Variants in ANK1 observed in about 807,000 individuals in gnomAD.
The protein encoded by ANK1 is ankyrin-1.
ANK1 carries 51 observed loss-of-function variants against 210.4 expected under a neutral mutation model. The ratio of observed to expected loss-of-function variants is 0.24; its 90% CI spans 0.19 to 0.31. The LOEUF (loss-of-function observed/expected upper bound fraction) is 0.31, where lower values mean the gene tolerates loss of function less well. ANK1 is among the 10% of genes least tolerant of loss of function. ANK1 has a pLI of 1.00. For missense variants in ANK1, 2,051 were observed against 2,504.4 expected (o/e 0.82, Z 3.86); for synonymous variants, 967 against 1,025.9 (o/e 0.94, Z 1.10).
intron 1 of ANK1, among the ~76,000 whole-genome samples, chr8:41,766,890 C>T (rs1215657636): frequency 1.3e-5 from 2 of 152,190 alleles, no homozygotes; most frequent in Non-Finnish European, 2.9e-5. Context: ...AGGGGCCAGA[C>T]GTGCCGCAAG....
chr8:41,892,108 A>C (rs1386034535), intron 1 of ANK1, among the ~76,000 whole-genome samples: 1 of 152,132 alleles, frequency 6.6e-6, no homozygotes, highest in Non-Finnish European at 1.5e-5. Flanking sequence ...TTGCAAATGA[A>C]AGTCATGGGC....
intron 3 of ANK1, among the ~76,000 whole-genome samples, chr8:41,730,615 G>A (rs1831955041): frequency 6.6e-6 from 1 of 152,224 alleles, no homozygotes; most frequent in African/African-American, 2.4e-5. Flanking sequence ...GAGAATAAAT[G>A]CCAGATATGA....
At chr8:41,818,183 A>C (rs1302011356) in intron 1 of ANK1, among the ~76,000 whole-genome samples, 1 of 152,236 alleles carries the variant, frequency 6.6e-6, no homozygotes, top group African/African-American at 2.4e-5. Flanking sequence ...ACCAAGACTC[A>C]ATTCAAACCC....
chr8:41,655,457 G>A lies in ANK1; in HGVS notation c.*333C>T, dbSNP rs570356781. On this transcript the variant is annotated 3_prime_UTR_variant, in exon 43 of 43. Coordinates refer to ENST00000289734, the MANE Select transcript of ANK1 (RefSeq NM_000037.4). Reference sequence around the variant, plus strand: ...ACAAAAAGCCCTCATTCACTTTTGCGTTCGCAGGCTCTCCTGCGCTTGTTT... The same window carrying A: ...ACAAAAAGCCCTCATTCACTTTTGCATTCGCAGGCTCTCCTGCGCTTGTTT... The A allele has an allele frequency of 8.6e-4, 360 of 417,902 alleles. No individual in the cohort carries two copies. Among genetic ancestry groups the A allele is most frequent in the Non-Finnish European group, 6.1e-4 (143 of 234,054 alleles). 25.9% of individuals were successfully genotyped at this position (417,902 alleles called of 1,614,324 possible).
At chr8:41,685,885 G>A (rs1157427166) in intron 36 of ANK1, among the ~76,000 whole-genome samples, 1 of 152,218 alleles carries the variant, frequency 6.6e-6, no homozygotes, top group African/African-American at 2.4e-5. Context: ...AAAGTGTGGG[G>A]ACTACAGGCA....
chr8:41,862,125 C>T (rs1177847870), intron 1 of ANK1, among the ~76,000 whole-genome samples: 1 of 152,198 alleles, frequency 6.6e-6, no homozygotes, highest in East Asian at 1.9e-4. Context: ...CCTCTGGCCT[C>T]CCAAGGACCT....
At chr8:41,730,676 T>C (rs952855392) in intron 3 of ANK1, among the ~76,000 whole-genome samples, 4 of 152,220 alleles carry the variant, frequency 2.6e-5, no homozygotes, top group African/African-American at 7.2e-5. Flanking sequence ...AGAGCCTCCA[T>C]TGAGAGGCTT....
chr8:41,675,403 C>T (rs1368410650), intron 37 of ANK1, among the ~76,000 whole-genome samples: 1 of 152,160 alleles, frequency 6.6e-6, no homozygotes, highest in Non-Finnish European at 1.5e-5. Context: ...GGCCACTGAG[C>T]GTATTTTTAG....
chr8:41,889,907 A>C (rs1274691353), intron 1 of ANK1, among the ~76,000 whole-genome samples: 2 of 152,256 alleles, frequency 1.3e-5, no homozygotes, highest in Non-Finnish European at 2.9e-5. Flanking sequence ...GCAGGTCTGC[A>C]ATAAAAATCC....
chr8:41,734,138 G>T, intron 2 of ANK1, 69 bp from the exon 3 acceptor site: 4 of 1,346,634 alleles, frequency 3.0e-6, no homozygotes, highest in Non-Finnish European at 4.2e-6. Flanking sequence ...CCCAGTGGGG[G>T]CCCAGGCCCC....
intron 40 of ANK1, among the ~76,000 whole-genome samples, chr8:41,662,149 C>T (rs1808541978): frequency 1.3e-5 from 2 of 152,034 alleles, no homozygotes; most frequent in Admixed American, 6.6e-5. Flanking sequence ...CCCAGCTACT[C>T]AGGAGGCTGT....
intron 2 of ANK1, among the ~76,000 whole-genome samples, chr8:41,739,522 T>TTTTTTTTCTTCTTTC (rs1834202504): frequency 5.6e-5 from 2 of 35,434 alleles, no homozygotes; most frequent in Non-Finnish European, 8.9e-5. Flanking sequence ...TTTTTCTTTC[T>TTTTTTTTCTTCTTTC]TTTTTTTTTT....
intron 1 of ANK1, among the ~76,000 whole-genome samples, chr8:41,887,027 G>A (rs978330544): frequency 3.3e-5 from 5 of 152,026 alleles, no homozygotes; most frequent in Non-Finnish European, 2.9e-5. Context: ...AGTACATTCC[G>A]TTACCTACTT....
chr8:41,694,093 C>G lies in ANK1; in HGVS notation c.3337G>C (p.Val1113Leu). ...AGCTTAGTGACAAGCTCATCCGGGA[C>G]AGGCTGGGCCTGTGAAATGACAGAG... ...RVKLALQAQP[V>L]PDELVTKLLG... The change falls in exon 29 of 43, where the codon GTC becomes CTC. Residue 1113 changes from valine (V) to leucine (L), a missense_variant. Physicochemically the swap from Val to Leu is conservative, Grantham distance 32. Coordinates refer to ENST00000289734, the MANE Select transcript of ANK1 (RefSeq NM_000037.4). The surrounding 1 kb of genome is among the most constrained non-coding windows in gnomAD (Gnocchi z 5.7). 1 of 1,613,826 alleles carries G rather than the reference C, an allele frequency of 6.2e-7. No homozygotes were observed. Among genetic ancestry groups the G allele is most frequent in the East Asian group, 2.2e-5 (1 of 44,860 alleles).
chr8:41,888,163 G>C (rs1323412786), intron 1 of ANK1, among the ~76,000 whole-genome samples: 1 of 152,184 alleles, frequency 6.6e-6, no homozygotes, highest in African/African-American at 2.4e-5. Flanking sequence ...TCAGGTGAGA[G>C]CCCCAGGAAG....
At chr8:41,719,997 C>A in intron 9 of ANK1, 139 bp from the exon 10 acceptor site, 1 of 981,624 alleles carries the variant, frequency 1.0e-6, no homozygotes, top group Non-Finnish European at 1.6e-6. Context: ...TTGGCTCACC[C>A]TGGCCTCCAC....
At chr8:41,684,402 T>C (rs2150577876) in intron 37 of ANK1, 142 bp downstream of exon 37, 1 of 1,347,406 alleles carries the variant, frequency 7.4e-7, no homozygotes, top group Middle Eastern at 1.8e-4. Context: ...AGGAGGAACT[T>C]GTTGCTGACA....
intron 1 of ANK1, among the ~76,000 whole-genome samples, chr8:41,796,886 C>T (rs1232216807): frequency 1.3e-5 from 2 of 152,084 alleles, no homozygotes; most frequent in Non-Finnish European, 2.9e-5. Flanking sequence ...GCCTTGCTAA[C>T]GCGCCATTAT....
intron 1 of ANK1, among the ~76,000 whole-genome samples, chr8:41,772,646 T>C (rs1415258601): frequency 6.6e-6 from 1 of 152,232 alleles, no homozygotes; most frequent in Non-Finnish European, 1.5e-5. Flanking sequence ...TGCACCCTTT[T>C]CAATGCCCAT....
Sources: gnomAD v4.1 joint callset for allele counts (sites outside exome capture counted in the v4.1 genomes callset) on GRCh38, gnomAD v4.1.1 for gene constraint, Gnocchi (gnomAD v3.1) non-coding constraint, MANE v1.5 for transcripts, NCBI Gene and HGNC (gene_info 2026-07-23, HGNC 2026-07-21) for gene names.